SAXO1: variants seen among roughly 807,000 people sequenced by gnomAD.
SAXO1 encodes stabilizer of axonemal microtubules 1, also known as 4930500O09Rik.
SAXO1 carries 21 observed loss-of-function variants against 17.5 expected under a neutral mutation model. That is an observed-to-expected ratio of 1.20 (90% CI 0.85 to 1.72). SAXO1 has a LOEUF of 1.72. Among genes scored for constraint, SAXO1 ranks in the 40% most tolerant of loss-of-function variants. The pLI is 0.00. For missense variants in SAXO1, 843 were observed against 596.0 expected, an observed-to-expected ratio of 1.41 and a Z score of -4.32; for synonymous variants, 274 against 216.5, an observed-to-expected ratio of 1.27 and a Z score of -2.33.
At chr9:18,989,567 C>T (rs1833725646) in intron 1 of SAXO1, among the ~76,000 whole-genome samples, 1 of 151,950 alleles carries the variant, frequency 6.6e-6, no homozygotes, top group African/African-American at 2.4e-5. Flanking sequence ...CACACACACA[C>T]ACACACACAC....
chr9:18,954,635 C>A (rs1289849069), intron 1 of SAXO1, among the ~76,000 whole-genome samples: 1 of 152,070 alleles, frequency 6.6e-6, no homozygotes, highest in South Asian at 2.1e-4. Context: ...CCACACCTAG[C>A]CTAGAATCAC....
upstream of SAXO1, among the ~76,000 whole-genome samples, chr9:19,036,650 G>C (rs1256959545): frequency 3.9e-5 from 6 of 152,180 alleles, no homozygotes; most frequent in Non-Finnish European, 7.3e-5. Flanking sequence ...CAGAAGTCAA[G>C]AATTGAGGTT....
At chr9:18,942,437 A>G (rs1831608415) in intron 2 of SAXO1, among the ~76,000 whole-genome samples, 1 of 150,942 alleles carries the variant, frequency 6.6e-6, no homozygotes, top group South Asian at 2.1e-4. Context: ...CTTCCACCCA[A>G]CCCCTTCACT....
At chr9:18,992,432 C>T (rs563499740) in intron 1 of SAXO1, among the ~76,000 whole-genome samples, 1 of 152,198 alleles carries the variant, frequency 6.6e-6, no homozygotes, top group Non-Finnish European at 1.5e-5. Context: ...GGATGCTACT[C>T]ATGCTGGATT....
At chr9:18,965,665 A>T (rs1486797386) in intron 1 of SAXO1, among the ~76,000 whole-genome samples, 2 of 152,030 alleles carry the variant, frequency 1.3e-5, no homozygotes, top group African/African-American at 4.8e-5. Context: ...GGGTCTCCTG[A>T]ATACAGCACA....
At chr9:19,023,821 A>G (rs1333448963) in intron 1 of SAXO1, among the ~76,000 whole-genome samples, 1 of 151,982 alleles carries the variant, frequency 6.6e-6, no homozygotes, top group Non-Finnish European at 1.5e-5. Flanking sequence ...AAGGAAAGAA[A>G]GGAAGGAAAG....
chr9:19,013,315 T>C (rs547272666), intron 1 of SAXO1, among the ~76,000 whole-genome samples: 1 of 152,270 alleles, frequency 6.6e-6, no homozygotes, highest in Non-Finnish European at 1.5e-5. Flanking sequence ...CAGGCTATAA[T>C]AGCAGATTTT....
chr9:18,931,927 G>A (rs1831069735), intron 3 of SAXO1, among the ~76,000 whole-genome samples: 1 of 152,090 alleles, frequency 6.6e-6, no homozygotes, highest in South Asian at 2.1e-4. Flanking sequence ...CCAGGTATGT[G>A]ATTTACAAAT....
chr9:19,040,109 A>G (rs1315142263), intron 1 of SAXO1, among the ~76,000 whole-genome samples: 3 of 152,232 alleles, frequency 2.0e-5, no homozygotes, highest in Non-Finnish European at 4.4e-5. Flanking sequence ...ATTTAAAAAA[A>G]CTGTAGGTGC....
In SAXO1 at chr9:18,942,435, C is replaced by G. The variant is rs1331464820; in HGVS notation, c.219-596G>C. Among the ~76,000 whole-genome samples, 2 of 152,162 alleles carry G rather than the reference C, an allele frequency of 1.3e-5. 1 individual carries two copies. Among genetic ancestry groups the G allele is most frequent in the Non-Finnish European group, 2.9e-5 (2 of 68,036 alleles). ...CTGCGCTCTCCACCTTCCTTCCACC[C>G]AACCCCTTCACTGCGGAGGTATCTT... On this transcript the variant is annotated intron_variant, in intron 2 of 3. Coordinates refer to ENST00000380534, the MANE Select transcript of SAXO1 (RefSeq NM_153707.4).
Position 18,954,659 on chromosome 9 carries a change from T to C in SAXO1, c.39-3722A>G, listed in dbSNP as rs371934058. On this transcript the variant is annotated intron_variant, in intron 1 of 3. Coordinates refer to ENST00000380534, the MANE Select transcript of SAXO1 (RefSeq NM_153707.4). ...GCCTAGAATCACAGAATTTTTAAATTGAAAGGGGGCATGGGAAATATCTGT... is the reference window on the plus strand; with the variant it reads ...GCCTAGAATCACAGAATTTTTAAATCGAAAGGGGGCATGGGAAATATCTGT... Among the ~76,000 whole-genome samples the C allele has an allele frequency of 3.0e-3, 449 of 152,174 alleles. 6 individuals carry two copies. The South Asian group carries it at 0.044, about 15-fold the overall frequency.
intron 1 of SAXO1, among the ~76,000 whole-genome samples, chr9:18,981,032 G>A (rs894595939): frequency 6.6e-6 from 1 of 152,172 alleles, no homozygotes; most frequent in African/African-American, 2.4e-5. Context: ...CCAGCCACTA[G>A]CCCAATCAAT....
chr9:19,046,141 G>A lies in SAXO1; in HGVS notation c.-158+3068C>T, dbSNP rs77884720. Among the ~76,000 whole-genome samples the A allele has an allele frequency of 3.3e-4, 49 of 148,918 alleles. No homozygotes were observed. In the East Asian group the frequency reaches 8.4e-3, roughly 26 times the overall value. On this transcript the variant is annotated intron_variant, in intron 1 of 3. Coordinates refer to the SAXO1 transcript ENST00000542071. ...GAGAACATACAAACAAAAGAAACTT[G>A]GAAGAAACCAAGACTAAACGGGATA...
At chr9:19,022,343 G>A (rs947128402) in intron 1 of SAXO1, among the ~76,000 whole-genome samples, 9 of 152,176 alleles carry the variant, frequency 5.9e-5, no homozygotes, top group African/African-American at 1.9e-4. Flanking sequence ...GAGAGTCTGC[G>A]GCTTCATTCT....
At chr9:18,964,886 T>G (rs529738848) in intron 1 of SAXO1, among the ~76,000 whole-genome samples, 3 of 152,308 alleles carry the variant, frequency 2.0e-5, no homozygotes, top group African/African-American at 7.2e-5. Context: ...TTCTCCTGTG[T>G]GCATTTGGTG....
Position 18,940,572 on chromosome 9 carries a change from C to T in SAXO1, c.421+1065G>A, listed in dbSNP as rs375787843. On this transcript the variant is annotated intron_variant, in intron 3 of 3. Coordinates refer to ENST00000380534, the MANE Select transcript of SAXO1 (RefSeq NM_153707.4). ...TCTTCACCCTAAATGCTTGGCTTGA[C>T]TAAATAAAAGTGGCCCTCTCTATTC... Among the ~76,000 whole-genome samples the T allele has an allele frequency of 2.0e-4, 30 of 152,294 alleles. No individual in the cohort carries two copies. The South Asian group carries it at 5.8e-3, about 30-fold the overall frequency.
chr9:19,032,668 G>A (rs1835816934), intron 1 of SAXO1, among the ~76,000 whole-genome samples: 1 of 152,220 alleles, frequency 6.6e-6, no homozygotes, highest in Non-Finnish European at 1.5e-5. Context: ...CGGCACAGAA[G>A]GCCCGAAAAC....
At chr9:19,015,356 G>C (rs528487823) in intron 1 of SAXO1, among the ~76,000 whole-genome samples, 2 of 151,784 alleles carry the variant, frequency 1.3e-5, no homozygotes, top group South Asian at 4.2e-4. Context: ...GTTATTTTTT[G>C]TTTTTGAGAC....
chr9:18,999,968 C>A (rs952016192), intron 1 of SAXO1, among the ~76,000 whole-genome samples: 2 of 144,548 alleles, frequency 1.4e-5, no homozygotes, highest in Non-Finnish European at 3.0e-5. Context: ...CTCTACCCAG[C>A]CGCCCCACCA....
Sources: gnomAD v4.1 joint callset for allele counts (sites outside exome capture counted in the v4.1 genomes callset) on GRCh38, gnomAD v4.1.1 for gene constraint, MANE v1.5 for transcripts, NCBI Gene and HGNC (gene_info 2026-07-23, HGNC 2026-07-21) for gene names.